Variants in NFASC observed in about 807,000 individuals in gnomAD.
NFASC encodes the protein neurofascin homolog.
In NFASC, 43 loss-of-function variants were observed where a neutral mutation model predicts 147.5. The observed-to-expected ratio is 0.29, with a 90% CI of 0.23 to 0.38. NFASC has a LOEUF of 0.38. Among genes scored for constraint, NFASC ranks in the 10% least tolerant of loss-of-function variants. The pLI is 1.00. For synonymous variants in NFASC, 622 were observed against 665.5 expected (o/e 0.93, Z 1.01); for missense variants, 1,320 against 1,689.0 (o/e 0.78, Z 3.83).
intron 2 of NFASC, among the ~76,000 whole-genome samples, chr1:204,939,950 G>A (rs780813371): frequency 5.9e-5 from 9 of 152,180 alleles, no homozygotes; most frequent in Non-Finnish European, 1.0e-4. Context: ...TGACTTGGAT[G>A]GAAATTTCCT....
At chr1:204,931,067 A>T (rs1470036002) in intron 2 of NFASC, among the ~76,000 whole-genome samples, 1 of 152,112 alleles carries the variant, frequency 6.6e-6, no homozygotes, top group African/African-American at 2.4e-5. Context: ...CTGGCTCCTT[A>T]TTCTTTAAGA....
intron 1 of NFASC, among the ~76,000 whole-genome samples, chr1:204,920,427 C>CT (rs11381518): frequency 0.18 from 21,565 of 119,444 alleles, 2,110 homozygotes; most frequent in African/African-American, 0.27. Context: ...AGGATCTGTC[C>CT]TTTTTTTTTT....
Position 204,974,164 on chromosome 1 carries a change from C to T in NFASC, c.1280-15C>T. On this transcript the variant is annotated splice_polypyrimidine_tract_variant and intron_variant, in intron 12 of 29. Coordinates refer to ENST00000339876, the MANE Select transcript of NFASC (RefSeq NM_001005388.3). Reference sequence around the variant, plus strand: ...TTAGACTTGGCACTCGAGATTGCTTCTCTGGGAATTTCAGATGTGCCGCCT... The same window carrying T: ...TTAGACTTGGCACTCGAGATTGCTTTTCTGGGAATTTCAGATGTGCCGCCT... 1 of 1,608,472 alleles carries T rather than the reference C, an allele frequency of 6.2e-7. No homozygotes were observed. Among genetic ancestry groups the T allele is most frequent in the Non-Finnish European group, 8.5e-7 (1 of 1,176,240 alleles).
Position 204,986,079 on chromosome 1 carries a change from G to T in NFASC, c.2471-1339G>T. The stretch of plus-strand genomic sequence containing the variant: ...GTCAATGGGAGAGGTGATGGGCCTC[G>T]CAGTGAGACCAAGGAGTTCACCACC... On this transcript the variant is annotated intron_variant, in intron 21 of 29. Transcript: ENST00000339876. The surrounding 1 kb of genome is among the most constrained non-coding windows in gnomAD (Gnocchi z 4.2). 1 of 1,614,150 alleles carries T rather than the reference G, an allele frequency of 6.2e-7. No individual in the cohort carries two copies. The highest frequency in any genetic ancestry group is 8.5e-7 in the Non-Finnish European group (1 of 1,180,000).
intron 11 of NFASC, among the ~76,000 whole-genome samples, chr1:204,971,600 T>C (rs932739989): frequency 6.6e-6 from 1 of 152,174 alleles, no homozygotes; most frequent in South Asian, 2.1e-4. Context: ...GTATGCCACA[T>C]TCTGTGCTAG....
intron 8 of NFASC, among the ~76,000 whole-genome samples, chr1:204,961,052 A>G (rs2094639606): frequency 6.6e-6 from 1 of 152,174 alleles, no homozygotes; most frequent in Non-Finnish European, 1.5e-5. Flanking sequence ...TTGCCTCCTC[A>G]GGGCCATCTG....
intron 21 of NFASC, among the ~76,000 whole-genome samples, chr1:204,982,685 C>G: frequency 6.6e-6 from 1 of 152,252 alleles, no homozygotes; most frequent in East Asian, 1.9e-4. Flanking sequence ...CGGTGGTGGC[C>G]TCTCTGTCCC....
chr1:204,833,483 A>C lies in NFASC; in HGVS notation c.-200+4701A>C, dbSNP rs187727497. 2.0e-3 allele frequency among the ~76,000 whole-genome samples: 246 copies of C among 121,122 alleles called. 1 individual carries two copies. Among genetic ancestry groups the C allele is most frequent in the South Asian group, 0.017 (58 of 3,368 alleles). 79.5% of individuals were successfully genotyped at this position (121,122 alleles called of 152,430 possible). ...CCTCCCCGCCTCCAACCCCAGGTAG[A>C]AAAATAAAAAGCTAGGATGTTTTAT... On this transcript the variant is annotated intron_variant, in intron 1 of 29. Transcript: ENST00000339876.
At chr1:204,969,121 A>G (rs2095108456) in intron 10 of NFASC, 139 bp downstream of exon 10, 3 of 751,400 alleles carry the variant, frequency 4.0e-6, no homozygotes, top group Admixed American at 2.7e-5. Flanking sequence ...GCGATCTGCC[A>G]TGGATGGTGT....
chr1:204,918,042 A>G (rs1421196129), intron 1 of NFASC, among the ~76,000 whole-genome samples: 1 of 152,206 alleles, frequency 6.6e-6, no homozygotes, highest in Non-Finnish European at 1.5e-5. Flanking sequence ...CAGAATTTTT[A>G]CGCAATCTCA....
chr1:204,965,624 A>G (rs879498231), intron 8 of NFASC, among the ~76,000 whole-genome samples: 6 of 152,178 alleles, frequency 3.9e-5, no homozygotes, highest in Admixed American at 3.3e-4. Flanking sequence ...GAGAGGTGGG[A>G]TCTTAGCTGA....
At chr1:204,866,863 G>T (rs966446504) in intron 1 of NFASC, among the ~76,000 whole-genome samples, 1 of 152,184 alleles carries the variant, frequency 6.6e-6, no homozygotes, top group Non-Finnish European at 1.5e-5. Context: ...GAGAGTTCAT[G>T]TCCCACCTTG....
Position 204,988,769 on chromosome 1 carries a change from A to G in NFASC, c.2730A>G (p.Glu910=), listed in dbSNP as rs758503020. The stretch of plus-strand genomic sequence containing the variant: ...CCAGGACGCAGGTGGGCTCTGGGGA[A>G]GCCGTCACAGAGGAGTCACCAGCAC... ...LSARTQVGSG[E]AVTEESPAPP... The change falls in exon 23 of 30, where the codon GAA becomes GAG. Residue 910 remains glutamate, a synonymous_variant. Transcript: ENST00000339876. 1.2e-6 allele frequency: 2 copies of G among 1,614,018 alleles called. No individual in the cohort carries two copies. Among genetic ancestry groups the G allele is most frequent in the East Asian group, 2.2e-5 (1 of 44,848 alleles).
chr1:204,862,394 G>A (rs1370935120), intron 1 of NFASC, among the ~76,000 whole-genome samples: 1 of 152,218 alleles, frequency 6.6e-6, no homozygotes, highest in Admixed American at 6.5e-5. Flanking sequence ...TTCCCAAGGG[G>A]ACTTCTTTGA....
chr1:204,863,397 A>G (rs2076829261), intron 1 of NFASC, among the ~76,000 whole-genome samples: 1 of 152,212 alleles, frequency 6.6e-6, no homozygotes. Flanking sequence ...TGATTTTTAA[A>G]AACATTTTTA....
At chr1:204,969,857 C>T (rs973762004) in intron 10 of NFASC, among the ~76,000 whole-genome samples, 3 of 151,686 alleles carry the variant, frequency 2.0e-5, no homozygotes, top group African/African-American at 4.8e-5. Context: ...GTGGAAAGAT[C>T]ATGAGGTCAG....
chr1:204,911,875 G>A (rs934259048), intron 1 of NFASC, among the ~76,000 whole-genome samples: 2 of 152,050 alleles, frequency 1.3e-5, no homozygotes, highest in African/African-American at 4.8e-5. Context: ...TGAGAACTTG[G>A]TTCATTTCAC....
intron 2 of NFASC, among the ~76,000 whole-genome samples, chr1:204,928,613 TA>T (rs1161003458): frequency 3.3e-5 from 5 of 152,118 alleles, no homozygotes; most frequent in Non-Finnish European, 7.4e-5. Flanking sequence ...ATTGTTGTAA[TA>T]GGGGGGAAAA....
intron 21 of NFASC, among the ~76,000 whole-genome samples, chr1:204,983,169 C>T (rs536315825): frequency 1.3e-5 from 2 of 152,268 alleles, no homozygotes; most frequent in East Asian, 3.9e-4. Context: ...GGCCCACGCT[C>T]TGATGGATTA....
Sources: allele counts gnomAD v4.1 joint callset (sites outside exome capture counted in the v4.1 genomes callset), GRCh38; gene constraint gnomAD v4.1.1; non-coding constraint Gnocchi (gnomAD v3.1); transcripts MANE v1.5; gene names NCBI Gene and HGNC (gene_info 2026-07-23, HGNC 2026-07-21).